The following ALB variants were observed in gnomAD, a reference collection of about 807,000 sequenced individuals.
ALB encodes the protein serum albumin.
Under a neutral mutation model 74.5 loss-of-function variants are expected in ALB, and 37 were observed. The observed-to-expected ratio is 0.50, with a 90% CI of 0.38 to 0.65. The LOEUF (loss-of-function observed/expected upper bound fraction) is 0.65, where lower values mean the gene tolerates loss of function less well. Among genes scored for constraint, ALB ranks in the 30% least tolerant of loss-of-function variants. The pLI is 0.00. For synonymous variants in ALB, 249 were observed against 251.6 expected, an observed-to-expected ratio of 0.99 and a Z score of 0.10; for missense variants, 685 against 718.7, an observed-to-expected ratio of 0.95 and a Z score of 0.54.
Position 73,413,581 on chromosome 4 carries a change from A to C in ALB, c.1005A>C (p.Glu335Asp). The C allele has an allele frequency of 6.2e-7, 1 of 1,614,190 alleles. No individual in the cohort carries two copies. The highest frequency in any genetic ancestry group is 1.1e-5 in the South Asian group (1 of 91,088). The change falls in exon 8 of 15, where the codon GAA becomes GAC. Residue 335 changes from glutamate to aspartate, a missense_variant. Coordinates refer to ENST00000295897, the MANE Select transcript of ALB (RefSeq NM_000477.7). ...DLPSLAADFV[E>D]SKDVCKNYAE... ...CTTCATTAGCTGCTGATTTTGTTGA[A>C]AGTAAGGATGTTTGCAAAAACTATG...
intron 5 of ALB, 90 bp downstream of exon 5, chr4:73,409,577 A>T (rs977265599): frequency 8.5e-6 from 13 of 1,523,950 alleles, no homozygotes; most frequent in Non-Finnish European, 1.2e-5. Flanking sequence ...TGAGTGTCTG[A>T]TACAAACTTT....
At chr4:73,418,524 G>C (rs1244000381) in intron 12 of ALB, among the ~76,000 whole-genome samples, 1 of 152,102 alleles carries the variant, frequency 6.6e-6, no homozygotes, top group Non-Finnish European at 1.5e-5. Context: ...ATTATTCAGA[G>C]TAATATTGTG....
chr4:73,405,593 A>T lies in ALB; in HGVS notation c.137+420A>T, dbSNP rs577134015. On this transcript the variant is annotated intron_variant, in intron 2 of 14. Transcript: ENST00000295897. ...TCCTGTGCTTAGTTGGGAATATTTAATTTTTTTTTTTTTTTAAGACAGGGT... is the reference window on the plus strand; with the variant it reads ...TCCTGTGCTTAGTTGGGAATATTTATTTTTTTTTTTTTTTTAAGACAGGGT... Among the ~76,000 whole-genome samples the T allele has an allele frequency of 3.6e-4, 52 of 143,202 alleles. No individual in the cohort carries two copies. In the East Asian group the frequency reaches 8.7e-3, roughly 24 times the overall value. 93.9% of individuals were successfully genotyped at this position (143,202 alleles called of 152,430 possible).
chr4:73,421,277 A>G lies in ALB; in HGVS notation c.*209A>G, dbSNP rs1719136242. 2 of 444,292 alleles carry G rather than the reference A, an allele frequency of 4.5e-6. No homozygotes were observed. The highest frequency in any genetic ancestry group is 7.9e-6 in the Non-Finnish European group (2 of 251,690). The allele number at this position is 444,292 out of a possible 1,614,324, so 27.5% of individuals were successfully genotyped here. On this transcript the variant is annotated 3_prime_UTR_variant, in exon 15 of 15. Transcript: ENST00000295897. ...TCTAATAGAGTGGTACAGCACTGTTATTTTTCAAAGATGTGTTGCTATCCT... is the reference window on the plus strand; with the variant it reads ...TCTAATAGAGTGGTACAGCACTGTTGTTTTTCAAAGATGTGTTGCTATCCT...
In ALB at chr4:73,418,189, A is replaced by G. The variant is rs1275699121; in HGVS notation, c.1530A>G (p.Pro510=). 6.2e-7 allele frequency: 1 copy of G among 1,614,188 alleles called. No individual in the cohort carries two copies. The change falls in exon 12 of 15, where the codon CCA becomes CCG. Residue 510 remains proline (P), a synonymous_variant. Coordinates refer to ENST00000295897, the MANE Select transcript of ALB (RefSeq NM_000477.7). ...CCTESLVNRR[P]CFSALEVDET... is the part of the protein sequence containing the mutation. ...CAGAATCCTTGGTGAACAGGCGACC[A>G]TGCTTTTCAGCTCTGGAAGTCGATG...
In ALB at chr4:73,413,562, T is replaced by C. The variant is rs1457777165; in HGVS notation, c.986T>C (p.Leu329Ser). 1.9e-6 allele frequency: 3 copies of C among 1,614,078 alleles called. No homozygotes were observed. Among genetic ancestry groups the C allele is most frequent in the Non-Finnish European group, 2.5e-6 (3 of 1,180,042 alleles). Residue 329 changes from leucine (L) to serine (S), a missense_variant, in exon 8 of 15, where the codon TTA becomes TCA. Transcript: ENST00000295897. ...NDEMPADLPS[L>S]AADFVESKDV... ...GAGATGCCTGCTGACTTGCCTTCAT[T>C]AGCTGCTGATTTTGTTGAAAGTAAG...
intron 13 of ALB, 34 bp downstream of exon 13, chr4:73,419,673 T>G: frequency 6.2e-7 from 1 of 1,612,578 alleles, no homozygotes; most frequent in Non-Finnish European, 8.5e-7. Flanking sequence ...ATATGTCCAG[T>G]ATTCATTTTT....
intron 3 of ALB, among the ~76,000 whole-genome samples, chr4:73,407,812 C>G (rs1190975808): frequency 6.6e-6 from 1 of 152,180 alleles, no homozygotes; most frequent in Non-Finnish European, 1.5e-5. Context: ...GTTTATCTTT[C>G]TCTCACCACT....
At chr4:73,416,179 C>A in intron 9 of ALB, 77 bp from the exon 10 acceptor site, 2 of 1,067,000 alleles carry the variant, frequency 1.9e-6, no homozygotes, top group South Asian at 1.3e-5. Flanking sequence ...GGATATCATT[C>A]TGACCAGAGG....
Position 73,413,644 on chromosome 4 carries a change from T to A in ALB, c.1058+10T>A. ...ATGTCTTCCTGGGCATGTAAGTAGA[T>A]AAGAAATTATTCTTTTATAGCTTTG... is the stretch of plus-strand genomic sequence containing the variant. On this transcript the variant is annotated intron_variant, in intron 8 of 14. Coordinates refer to ENST00000295897, the MANE Select transcript of ALB (RefSeq NM_000477.7). 6.2e-7 allele frequency: 1 copy of A among 1,613,188 alleles called. No homozygotes were observed.
rs79919607 is a variant in ALB at position 73,416,356 on chromosome 4, A to G, written c.1289+3A>G. ...GGAGAGTACAAATTCCAGAATGCGT[A>G]AGTAATTTTTATTGACTGATTTTTT... On this transcript the variant is annotated splice_donor_region_variant and intron_variant, in intron 10 of 14. Coordinates refer to ENST00000295897, the MANE Select transcript of ALB (RefSeq NM_000477.7). The G allele has an allele frequency of 1.9e-6, 3 of 1,608,092 alleles. No homozygotes were observed. The African/African-American group carries it at 4.0e-5, about 22-fold the overall frequency.
At position 73,413,437 on chromosome 4, in the gene ALB, T is replaced by A. The variant is rs1179582806; in HGVS notation, c.861T>A (p.Tyr287Ter). The change falls in exon 8 of 15, where the codon TAT (tyrosine) becomes TAA (stop). Residue 287 changes from tyrosine to a stop codon, truncating the protein, a stop_gained. Transcript: ENST00000295897. LOFTEE classifies it high-confidence loss of function. ...CADDRADLAK[Y>*]ICENQDSISS... ...ACTTATAGGCGGACCTTGCCAAGTA[T>A]ATCTGTGAAAATCAAGATTCGATCT... 6.2e-7 allele frequency: 1 copy of A among 1,614,104 alleles called. No individual in the cohort carries two copies.
intron 7 of ALB, 77 bp from the exon 8 acceptor site, chr4:73,413,343 C>T: frequency 7.6e-7 from 1 of 1,322,504 alleles, no homozygotes; most frequent in South Asian, 1.2e-5. Flanking sequence ...ATATGTTCTG[C>T]CAACTTAATA....
At chr4:73,410,831 T>C (rs1718856580) in intron 6 of ALB, among the ~76,000 whole-genome samples, 1 of 152,200 alleles carries the variant, frequency 6.6e-6, no homozygotes, top group Non-Finnish European at 1.5e-5. Context: ...TATTTTGATA[T>C]AAGTATACAA....
chr4:73,418,214 G>A lies in ALB; in HGVS notation c.1555G>A (p.Glu519Lys). The A allele has an allele frequency of 6.2e-7, 1 of 1,614,146 alleles. No individual in the cohort carries two copies. Among genetic ancestry groups the A allele is most frequent in the Non-Finnish European group, 8.5e-7 (1 of 1,180,014 alleles). Reference sequence around the variant, plus strand: ...ATGCTTTTCAGCTCTGGAAGTCGATGAAACATACGTTCCCAAAGAGTTTAA... The same window carrying A: ...ATGCTTTTCAGCTCTGGAAGTCGATAAAACATACGTTCCCAAAGAGTTTAA... ...RPCFSALEVD[E>K]TYVPKEFNAE... The change falls in exon 12 of 15, where the codon GAA (glutamate) becomes AAA (lysine). Residue 519 changes from glutamate (E) to lysine (K), a missense_variant. By Grantham distance (56) the Glu-to-Lys change is moderately conservative (BLOSUM62 1). Coordinates refer to ENST00000295897, the MANE Select transcript of ALB (RefSeq NM_000477.7).
chr4:73,412,206 G>C, intron 7 of ALB, 81 bp downstream of exon 7: 6 of 1,504,280 alleles, frequency 4.0e-6, no homozygotes, highest in East Asian at 2.3e-5. Context: ...ATTGGTGATA[G>C]CTGACAGTGG....
At chr4:73,416,544 T>C (rs929779805) in intron 10 of ALB, among the ~76,000 whole-genome samples, 191 bp downstream of exon 10, 4 of 152,112 alleles carry the variant, frequency 2.6e-5, no homozygotes, top group African/African-American at 9.7e-5. Flanking sequence ...TTGAATGTAG[T>C]CTAAAAATTG....
At chr4:73,416,087 A>G (rs1457624718) in intron 9 of ALB, among the ~76,000 whole-genome samples, 169 bp from the exon 10 acceptor site, 1 of 152,192 alleles carries the variant, frequency 6.6e-6, no homozygotes, top group Non-Finnish European at 1.5e-5. Flanking sequence ...ATGCAAGCTC[A>G]CCAAATAAAT....
chr4:73,420,368 A>T, intron 14 of ALB, 47 bp downstream of exon 14: 1 of 1,271,974 alleles, frequency 7.9e-7, no homozygotes, highest in Non-Finnish European at 1.1e-6. Context: ...AATAGTTATT[A>T]TTAAAATAGC....
Sources: gnomAD v4.1 joint callset for allele counts (sites outside exome capture counted in the v4.1 genomes callset) on GRCh38, gnomAD v4.1.1 for gene constraint, MANE v1.5 for transcripts, NCBI Gene and HGNC (gene_info 2026-07-23, HGNC 2026-07-21) for gene names.